The following EYA1 variants were observed in gnomAD, a reference collection of about 807,000 sequenced individuals.
EYA1 encodes EYA transcriptional coactivator and phosphatase 1, also known as protein phosphatase EYA1.
A neutral mutation model predicts 82.0 loss-of-function variants in EYA1; 16 were observed. The observed-to-expected ratio is 0.20, with a 90% CI of 0.13 to 0.30. EYA1 has a LOEUF of 0.30. Among genes scored for constraint, EYA1 ranks in the 10% least tolerant of loss-of-function variants. The probability of loss-of-function intolerance (pLI) is 1.00; values close to 1 mark genes in which losing one functional copy is unlikely to be tolerated. For synonymous variants in EYA1, 261 were observed against 264.4 expected (o/e 0.99, Z 0.12); for missense variants, 633 against 730.7 (o/e 0.87, Z 1.54).
At chr8:71,283,083 A>T (rs6989867) in intron 9 of EYA1, among the ~76,000 whole-genome samples, 2 of 151,812 alleles carry the variant, frequency 1.3e-5, no homozygotes, top group East Asian at 3.9e-4. Context: ...TCTCATGCCC[A>T]CAAGGCCTTC....
intron 2 of EYA1, among the ~76,000 whole-genome samples, chr8:71,446,879 T>C (rs534965741): frequency 3.2e-4 from 48 of 152,228 alleles, no homozygotes; most frequent in African/African-American, 1.1e-3. Context: ...CACATTATAA[T>C]TTACTAGGTC....
At chr8:71,446,824 A>G (rs1334249897) in intron 2 of EYA1, among the ~76,000 whole-genome samples, 1 of 152,084 alleles carries the variant, frequency 6.6e-6, no homozygotes, top group African/African-American at 2.4e-5. Context: ...ATTACTGTCT[A>G]TTTGTCTGAG....
intron 1 of EYA1, chr8:71,356,827 C>A: frequency 1.1e-6 from 1 of 895,698 alleles, no homozygotes; most frequent in Non-Finnish European, 1.4e-6. Flanking sequence ...AGCAGCCTTG[C>A]CCAGGCAGCT....
intron 4 of EYA1, 83 bp from the exon 5 acceptor site, chr8:71,322,351 A>T: frequency 8.2e-7 from 1 of 1,214,892 alleles, no homozygotes; most frequent in Non-Finnish European, 1.2e-6. Context: ...CATATTTTCA[A>T]CTATAGGTTG....
intron 12 of EYA1, among the ~76,000 whole-genome samples, chr8:71,222,147 T>C (rs1482360561): frequency 6.6e-6 from 1 of 152,200 alleles, no homozygotes; most frequent in East Asian, 1.9e-4. Context: ...TTCTGCCTCA[T>C]GCCCCCCAGT....
At chr8:71,494,574 A>G (rs904949840) in intron 2 of EYA1, among the ~76,000 whole-genome samples, 3 of 152,184 alleles carry the variant, frequency 2.0e-5, no homozygotes, top group Middle Eastern at 3.2e-3. Flanking sequence ...ATTTTAAGAA[A>G]AGTAGGCCAA....
At chr8:71,359,039 T>G (rs944229894) in intron 1 of EYA1, among the ~76,000 whole-genome samples, 1 of 152,114 alleles carries the variant, frequency 6.6e-6, no homozygotes, top group African/African-American at 2.4e-5. Flanking sequence ...TAACAAATGG[T>G]CATCTTATAT....
chr8:71,463,556 T>C (rs535158471), intron 2 of EYA1, among the ~76,000 whole-genome samples: 2 of 149,586 alleles, frequency 1.3e-5, no homozygotes, highest in South Asian at 4.2e-4. Flanking sequence ...CTTAGGTTAT[T>C]TCTTAAGAAA....
chr8:71,340,972 C>T (rs1042886134), intron 3 of EYA1, among the ~76,000 whole-genome samples: 1 of 152,192 alleles, frequency 6.6e-6, no homozygotes, highest in Non-Finnish European at 1.5e-5. Flanking sequence ...AACAAGATGA[C>T]AGTTTATTCC....
At chr8:71,207,346 A>G (rs192471202) in intron 17 of EYA1, among the ~76,000 whole-genome samples, 1 of 152,376 alleles carries the variant, frequency 6.6e-6, no homozygotes. Context: ...AAGGCTAGAC[A>G]AAAATTCTCC....
Position 71,334,424 on chromosome 8 carries a change from C to A in EYA1, c.125-250G>T. On this transcript the variant is annotated intron_variant, in intron 3 of 17. Coordinates refer to ENST00000340726, the MANE Select transcript of EYA1 (RefSeq NM_000503.6). Reference sequence around the variant, plus strand: ...GCAGCACTGTAAAAGTAATTAAATTCATCATTGTTTTACATATTTACTGAA... The same window carrying A: ...GCAGCACTGTAAAAGTAATTAAATTAATCATTGTTTTACATATTTACTGAA... The A allele has an allele frequency of 5.8e-6, 3 of 518,598 alleles. No individual in the cohort carries two copies. In the South Asian group the frequency reaches 6.1e-5, roughly 11 times the overall value. 32.1% of individuals were successfully genotyped at this position (518,598 alleles called of 1,614,324 possible). A position where few individuals can be genotyped will look rare whatever the true frequency, so the allele number is the denominator to read the frequency against.
chr8:71,412,431 A>G (rs866531424), intron 2 of EYA1, among the ~76,000 whole-genome samples: 1 of 151,176 alleles, frequency 6.6e-6, no homozygotes, highest in East Asian at 1.9e-4. Context: ...TAAAATAAAA[A>G]AAAGAAATTG....
intron 1 of EYA1, among the ~76,000 whole-genome samples, chr8:71,543,164 AG>A (rs1815287597): frequency 6.6e-6 from 1 of 152,026 alleles, no homozygotes; most frequent in Non-Finnish European, 1.5e-5. Context: ...GGGTTTTTAT[AG>A]TTTTGGGTTT....
chr8:71,480,504 T>C (rs1204813907), intron 2 of EYA1, among the ~76,000 whole-genome samples: 2 of 152,156 alleles, frequency 1.3e-5, no homozygotes, highest in African/African-American at 4.8e-5. Flanking sequence ...TTCCACTGAT[T>C]GGTCTGCAAA....
intron 2 of EYA1, among the ~76,000 whole-genome samples, chr8:71,433,152 C>T (rs1289112510): frequency 6.6e-6 from 1 of 152,144 alleles, no homozygotes; most frequent in East Asian, 1.9e-4. Flanking sequence ...ACTACTATAG[C>T]TTCTGGAAGT....
In EYA1 at chr8:71,197,903, A is replaced by G. The variant is rs1409756583; in HGVS notation, c.*1437T>C. Reference sequence around the variant, plus strand: ...CTCTTATGGTCTGACAAAGGTGATAATTTTATTATTTCCCCAGATTGATGC... The same window carrying G: ...CTCTTATGGTCTGACAAAGGTGATAGTTTTATTATTTCCCCAGATTGATGC... On this transcript the variant is annotated 3_prime_UTR_variant, in exon 18 of 18. Transcript: ENST00000340726. 2.0e-5 allele frequency: 3 copies of G among 152,340 alleles called. No individual in the cohort carries two copies. Among genetic ancestry groups the G allele is most frequent in the African/African-American group, 7.2e-5 (3 of 41,472 alleles). The allele number at this position is 152,340 out of a possible 1,614,324, so 9.4% of individuals were successfully genotyped here.
chr8:71,236,042 CTCTTT>C (rs1223927049), intron 12 of EYA1, among the ~76,000 whole-genome samples: 2 of 150,512 alleles, frequency 1.3e-5, no homozygotes, highest in African/African-American at 5.0e-5. Flanking sequence ...ACAAATTTTA[CTCTTT>C]ATTTTATTTT....
chr8:71,245,209 A>G (rs980174383), intron 11 of EYA1, among the ~76,000 whole-genome samples: 31 of 152,016 alleles, frequency 2.0e-4, no homozygotes, highest in African/African-American at 7.5e-4. Flanking sequence ...AACTTTTCTT[A>G]TAACACTATG....
chr8:71,361,935 A>T lies in EYA1; in HGVS notation c.-343T>A, dbSNP rs536555728. ...ACAGTGGACGGCAACAGGAAGGCTT[A>T]AAGTCGGAAGTGGCACTGGAGAGTT... On this transcript the variant is annotated 5_prime_UTR_variant, in exon 1 of 18. It introduces an in-frame stop codon into an upstream open reading frame of the 5' UTR. Coordinates refer to ENST00000340726, the MANE Select transcript of EYA1 (RefSeq NM_000503.6). The T allele has an allele frequency of 3.0e-6, 3 of 985,442 alleles. No homozygotes were observed. In the South Asian group the frequency reaches 1.4e-4, roughly 46 times the overall value. 61.0% of individuals were successfully genotyped at this position (985,442 alleles called of 1,614,324 possible).
Sources: gnomAD v4.1 joint callset for allele counts (sites outside exome capture counted in the v4.1 genomes callset) on GRCh38, gnomAD v4.1.1 for gene constraint, MANE v1.5 for transcripts, NCBI Gene and HGNC (gene_info 2026-07-23, HGNC 2026-07-21) for gene names.